The following NFIB variants were observed in gnomAD, a reference collection of about 807,000 sequenced individuals.
The protein encoded by NFIB is nuclear factor I B, also known as nuclear factor 1 B-type.
NFIB carries 11 observed loss-of-function variants against 61.5 expected under a neutral mutation model. The ratio of observed to expected loss-of-function variants is 0.18; its 90% CI spans 0.11 to 0.30. The LOEUF (loss-of-function observed/expected upper bound fraction) is 0.30, where lower values mean the gene tolerates loss of function less well. Among genes scored for constraint, NFIB ranks in the 10% least tolerant of loss-of-function variants. The pLI, the probability that NFIB is intolerant of heterozygous loss-of-function variation, is 1.00. For missense variants in NFIB, 471 were observed against 608.9 expected, an observed-to-expected ratio of 0.77 and a Z score of 2.38; for synonymous variants, 260 against 216.5, an observed-to-expected ratio of 1.20 and a Z score of -1.76.
chr9:14,268,838 T>C (rs1433386040), intron 2 of NFIB, among the ~76,000 whole-genome samples: 1 of 152,186 alleles, frequency 6.6e-6, no homozygotes, highest in African/African-American at 2.4e-5. Context: ...ACAAAACAAA[T>C]GTTCACTGAA....
Position 14,333,363 on chromosome 9 carries a change from C to A in NFIB, c.109-25843G>T, listed in dbSNP as rs544283364. Among the ~76,000 whole-genome samples, 19 of 152,220 alleles carry A rather than the reference C, an allele frequency of 1.2e-4. No individual in the cohort carries two copies. In the East Asian group the frequency reaches 3.3e-3, roughly 26 times the overall value. Reference sequence around the variant, plus strand: ...GAACCTAGGAAATGTGGTTCTAGAGCCTTAGCTCTTAGCCATGAATTATAA... The same window carrying A: ...GAACCTAGGAAATGTGGTTCTAGAGACTTAGCTCTTAGCCATGAATTATAA... On this transcript the variant is annotated intron_variant, in intron 1 of 8. Coordinates refer to the NFIB transcript ENST00000380934.
At chr9:14,354,978 G>C (rs150527227) in intron 1 of NFIB, among the ~76,000 whole-genome samples, 1 of 152,070 alleles carries the variant, frequency 6.6e-6, no homozygotes, top group Non-Finnish European at 1.5e-5. Context: ...ACCAGAGGAA[G>C]AACAGCAGCA....
At chr9:14,173,652 G>C (rs1018717697) in intron 3 of NFIB, among the ~76,000 whole-genome samples, 44 of 152,224 alleles carry the variant, frequency 2.9e-4, no homozygotes, top group African/African-American at 1.1e-3. Flanking sequence ...GTATAAAATG[G>C]TGTGTATTTT....
intron 3 of NFIB, among the ~76,000 whole-genome samples, chr9:14,163,503 C>T (rs567431085): frequency 4.0e-5 from 6 of 151,664 alleles, no homozygotes; most frequent in Admixed American, 2.6e-4. Context: ...GTATCAGCAA[C>T]GGTTAAGAGA....
intron 6 of NFIB, among the ~76,000 whole-genome samples, chr9:14,146,231 T>C (rs2042263389): frequency 6.6e-6 from 1 of 152,178 alleles, no homozygotes; most frequent in South Asian, 2.1e-4. Flanking sequence ...TACACTTTTC[T>C]TTATTGTATA....
intron 1 of NFIB, among the ~76,000 whole-genome samples, chr9:14,379,054 A>T (rs982565576): frequency 6.6e-6 from 1 of 152,250 alleles, no homozygotes; most frequent in Non-Finnish European, 1.5e-5. Flanking sequence ...ACAGGTATTC[A>T]CAACCTGTTG....
At chr9:14,486,873 A>C in the NFIB span, among the ~76,000 whole-genome samples, 27 of 152,326 alleles carry the variant, frequency 1.8e-4, no homozygotes, top group African/African-American at 5.5e-4. Flanking sequence ...TTGAACATCT[A>C]TTATTTTAAA....
chr9:14,190,843 G>A (rs2131551690), intron 2 of NFIB, among the ~76,000 whole-genome samples: 1 of 152,248 alleles, frequency 6.6e-6, no homozygotes, highest in African/African-American at 2.4e-5. Context: ...TGAAGATGGG[G>A]CATTTTATGG....
At chr9:14,145,650 CT>C (rs34440136) in intron 6 of NFIB, among the ~76,000 whole-genome samples, 57,100 of 125,738 alleles carry the variant, frequency 0.45, 12,819 homozygotes, top group Non-Finnish European at 0.58. Context: ...TTCTTTTAGA[CT>C]TTTTTTTTTT....
chr9:14,127,008 T>C (rs2039739852), intron 6 of NFIB, among the ~76,000 whole-genome samples: 1 of 152,226 alleles, frequency 6.6e-6, no homozygotes, highest in South Asian at 2.1e-4. Context: ...GGTGCTGTGA[T>C]AGGAAAAGAA....
upstream of NFIB, among the ~76,000 whole-genome samples, chr9:14,314,779 A>G (rs1588289644): frequency 7.7e-6 from 1 of 130,010 alleles, no homozygotes; most frequent in African/African-American, 2.8e-5. Flanking sequence ...TACCGGTGCT[A>G]CAGAACCATG....
chr9:14,225,004 T>C (rs566607990), intron 2 of NFIB, among the ~76,000 whole-genome samples: 14 of 152,262 alleles, frequency 9.2e-5, no homozygotes, highest in Admixed American at 9.2e-4. Flanking sequence ...TCCTCAACTT[T>C]TGCATTAAAT....
chr9:14,194,512 C>T (rs1456849505), intron 2 of NFIB, among the ~76,000 whole-genome samples: 1 of 152,060 alleles, frequency 6.6e-6, no homozygotes, highest in East Asian at 1.9e-4. Flanking sequence ...TTTTATTACA[C>T]ACATACTATT....
chr9:14,083,106 A>G lies in NFIB; in HGVS notation c.*5203T>C. 1 of 212,638 alleles carries G rather than the reference A, an allele frequency of 4.7e-6. No individual in the cohort carries two copies. Among genetic ancestry groups the G allele is most frequent in the Non-Finnish European group, 9.5e-6 (1 of 105,054 alleles). The allele number at this position is 212,638 out of a possible 1,614,324, so 13.2% of individuals were successfully genotyped here. On this transcript the variant is annotated 3_prime_UTR_variant, in exon 11 of 11. Coordinates refer to ENST00000380953, the MANE Select transcript of NFIB (RefSeq NM_001190737.2). ...GAACCCTTTTATTATTAAAAAAAAA[A>G]AAAAACTACTTACAACCATTGAAGA...
intron 1 of NFIB, among the ~76,000 whole-genome samples, chr9:14,374,736 C>T (rs576618393): frequency 6.6e-6 from 1 of 152,142 alleles, no homozygotes; most frequent in African/African-American, 2.4e-5. Flanking sequence ...ATGGTGAAAC[C>T]CTGTCTCTAC....
At chr9:14,514,327 T>TACACACACACACAC in the NFIB span, among the ~76,000 whole-genome samples, 19 of 148,028 alleles carry the variant, frequency 1.3e-4, no homozygotes, top group South Asian at 1.7e-3. Flanking sequence ...CATACATACA[T>TACACACACACACAC]ACACACACAC....
the NFIB span, among the ~76,000 whole-genome samples, chr9:14,404,333 C>T: frequency 6.6e-6 from 1 of 152,158 alleles, no homozygotes; most frequent in Non-Finnish European, 1.5e-5. Context: ...AAGTATCAGG[C>T]ACTATTCTTG....
intron 2 of NFIB, among the ~76,000 whole-genome samples, chr9:14,255,141 T>C (rs1475601758): frequency 6.6e-6 from 1 of 152,102 alleles, no homozygotes; most frequent in Non-Finnish European, 1.5e-5. Flanking sequence ...GAGAATCACT[T>C]GAGCCCAGGA....
At chr9:14,345,350 G>A (rs1370957047) in intron 1 of NFIB, among the ~76,000 whole-genome samples, 3 of 152,144 alleles carry the variant, frequency 2.0e-5, no homozygotes, top group African/African-American at 7.2e-5. Flanking sequence ...ATCTACCCTC[G>A]ATTTTCAATT....
Sources: allele counts gnomAD v4.1 joint callset (sites outside exome capture counted in the v4.1 genomes callset), GRCh38; gene constraint gnomAD v4.1.1; transcripts MANE v1.5; gene names NCBI Gene and HGNC (gene_info 2026-07-23, HGNC 2026-07-21).